C11orf65: variants seen among roughly 807,000 people sequenced by gnomAD.
C11orf65 encodes the protein chromosome 11 open reading frame 65, also known as protein MFI.
In C11orf65, 38 loss-of-function variants were observed where a neutral mutation model predicts 35.3. The ratio of observed to expected loss-of-function variants is 1.08; its 90% CI spans 0.83 to 1.41. The LOEUF (loss-of-function observed/expected upper bound fraction) is 1.41, where lower values mean the gene tolerates loss of function less well. Ranked by LOEUF, C11orf65 falls within the 40% of genes most tolerant of loss-of-function variation. The pLI, the probability that C11orf65 is intolerant of heterozygous loss-of-function variation, is 0.00. For synonymous variants in C11orf65, 105 were observed against 114.4 expected (o/e 0.92, Z 0.53); for missense variants, 370 against 367.1 (o/e 1.01, Z -0.06).
intron 2 of C11orf65, among the ~76,000 whole-genome samples, chr11:108,373,264 A>G (rs1047985985): frequency 2.0e-5 from 3 of 152,214 alleles, no homozygotes; most frequent in African/African-American, 7.2e-5. Context: ...GATCATGCCA[A>G]TAGTGCAGAA....
intron 2 of C11orf65, among the ~76,000 whole-genome samples, chr11:108,370,266 C>T (rs1239849019): frequency 6.6e-6 from 1 of 151,814 alleles, no homozygotes; most frequent in African/African-American, 2.4e-5. Flanking sequence ...TTAGTTTTTA[C>T]ATATTGATTT....
At chr11:108,405,295 C>T in intron 6 of C11orf65, 134 bp downstream of exon 6, 1 of 810,926 alleles carries the variant, frequency 1.2e-6, no homozygotes, top group Non-Finnish European at 1.9e-6. Flanking sequence ...TTTTATTCAT[C>T]TGTCGTTTGG....
chr11:108,422,207 C>T (rs774548650), intron 3 of C11orf65, among the ~76,000 whole-genome samples: 10 of 152,140 alleles, frequency 6.6e-5, no homozygotes, highest in Non-Finnish European at 1.3e-4. Context: ...GGATTACAGG[C>T]GTGAGCCACC....
intron 2 of C11orf65, chr11:108,355,275 GTCAGCA>G: frequency 4.3e-6 from 1 of 232,248 alleles, no homozygotes; most frequent in Non-Finnish European, 8.6e-6. Context: ...AGATCAAATT[GTCAGCA>G]TCATTACTAG....
In C11orf65 at chr11:108,392,056, T is replaced by TTGTG. The variant is rs146638284; in HGVS notation, c.731+1148_731+1151dup. On this transcript the variant is annotated intron_variant, in intron 7 of 8. Transcript: ENST00000393084. ...GGCGTGAGCCACTACACTTGGCTTTTTGTGTGTGTGTGTGTGTGTCTCGCT... is the reference window on the plus strand; with the variant it reads ...GGCGTGAGCCACTACACTTGGCTTTTTGTGTGTGTGTGTGTGTGTGTGTCTCGCT... Among the ~76,000 whole-genome samples the TTGTG allele has an allele frequency of 1.7e-4, 25 of 150,358 alleles. 1 individual carries two copies. Among genetic ancestry groups the TTGTG allele is most frequent in the South Asian group, 8.4e-4 (4 of 4,748 alleles).
chr11:108,378,469 C>G (rs1277749983), downstream of C11orf65, among the ~76,000 whole-genome samples: 5 of 133,380 alleles, frequency 3.7e-5, no homozygotes, highest in Non-Finnish European at 6.3e-5. Flanking sequence ...ACACCTTATA[C>G]AAAAATTAAT....
upstream of C11orf65, among the ~76,000 whole-genome samples, chr11:108,469,557 G>A (rs2135834913): frequency 6.6e-6 from 1 of 151,706 alleles, no homozygotes; most frequent in East Asian, 2.0e-4. Context: ...CTAATAAACT[G>A]CATATTTTTA....
intron 3 of C11orf65, chr11:108,332,146 A>G (rs2086327143): frequency 2.1e-6 from 3 of 1,420,078 alleles, no homozygotes; most frequent in Non-Finnish European, 9.6e-7. Context: ...AATCGGTTCA[A>G]GGCTGGCACG....
chr11:108,393,389 A>G lies in C11orf65; in HGVS notation c.561-11T>C, dbSNP rs112171970. 2.1e-5 allele frequency: 33 copies of G among 1,609,082 alleles called. 1 individual carries two copies. In the African/African-American group the frequency reaches 2.4e-4, roughly 12 times the overall value. On this transcript the variant is annotated splice_polypyrimidine_tract_variant and intron_variant, in intron 6 of 8. Transcript: ENST00000393084. ...CTTCCTGAGTAGTACCTAAATAGGC[A>G]AAAGGGAAAGAGAAGTAAATCTTTT...
chr11:108,327,967 G>A (rs1193012156), downstream of C11orf65, among the ~76,000 whole-genome samples: 1 of 152,152 alleles, frequency 6.6e-6, no homozygotes, highest in Non-Finnish European at 1.5e-5. Flanking sequence ...CCCAAGTATA[G>A]TATCTCTTCT....
At chr11:108,345,171 A>G (rs2088165112) in intron 2 of C11orf65, among the ~76,000 whole-genome samples, 1 of 152,208 alleles carries the variant, frequency 6.6e-6, no homozygotes, top group African/African-American at 2.4e-5. Flanking sequence ...CCAAGTGAAG[A>G]TGCTGAATGG....
At chr11:108,435,612 G>GA (rs35393885) in intron 2 of C11orf65, among the ~76,000 whole-genome samples, 1 of 151,936 alleles carries the variant, frequency 6.6e-6, no homozygotes, top group African/African-American at 2.4e-5. Context: ...AGTGCTTGCT[G>GA]AAAAAAAGAG....
rs775185939 is a variant in C11orf65, at chr11:108,347,347, C to T, written c.227-12055G>A. The T allele has an allele frequency of 1.2e-6, 2 of 1,605,896 alleles. No individual in the cohort carries two copies. Among genetic ancestry groups the T allele is most frequent in the African/African-American group, 1.3e-5 (1 of 74,780 alleles). On this transcript the variant is annotated intron_variant, in intron 2 of 3. Coordinates refer to the C11orf65 transcript ENST00000524755. The stretch of plus-strand genomic sequence containing the variant: ...CTTGATAAATGAGCAGTCAGCAGAA[C>T]TTGTACATATAGATCTAGGTAAGTA...
downstream of C11orf65, among the ~76,000 whole-genome samples, chr11:108,330,789 G>A (rs1015187322): frequency 6.6e-6 from 1 of 152,056 alleles, no homozygotes; most frequent in Non-Finnish European, 1.5e-5. Flanking sequence ...GATCACAGGT[G>A]GGTTTTCCCC....
intron 6 of C11orf65, among the ~76,000 whole-genome samples, chr11:108,403,709 T>A (rs944531666): frequency 1.3e-5 from 2 of 152,238 alleles, no homozygotes; most frequent in African/African-American, 4.8e-5. Context: ...CACTCAAGTT[T>A]CATTTTTCTG....
At chr11:108,440,751 T>C (rs2093139490) in intron 2 of C11orf65, among the ~76,000 whole-genome samples, 1 of 152,136 alleles carries the variant, frequency 6.6e-6, no homozygotes, top group Non-Finnish European at 1.5e-5. Context: ...TGACCTAGAC[T>C]AAGAGGTTCC....
At chr11:108,429,029 T>C (rs1026850086) in intron 3 of C11orf65, among the ~76,000 whole-genome samples, 1 of 151,874 alleles carries the variant, frequency 6.6e-6, no homozygotes, top group African/African-American at 2.4e-5. Context: ...TGCCTGTTGC[T>C]CCAGCTACTT....
intron 2 of C11orf65, among the ~76,000 whole-genome samples, chr11:108,436,816 C>T (rs1254214016): frequency 6.6e-6 from 1 of 152,088 alleles, no homozygotes; most frequent in Non-Finnish European, 1.5e-5. Flanking sequence ...AATGGAATGC[C>T]ATCTGAGTGC....
At chr11:108,335,818 G>A (rs2136689191) in intron 2 of C11orf65, 3 of 1,570,226 alleles carry the variant, frequency 1.9e-6, no homozygotes, top group Non-Finnish European at 2.6e-6. Context: ...AACTGTACTT[G>A]TTTATTCATG....
Sources: allele counts gnomAD v4.1 joint callset (sites outside exome capture counted in the v4.1 genomes callset), GRCh38; gene constraint gnomAD v4.1.1; transcripts MANE v1.5; gene names NCBI Gene and HGNC (gene_info 2026-07-23, HGNC 2026-07-21).